The following NFAT5 variants were observed in gnomAD, a reference collection of about 807,000 sequenced individuals.
NFAT5 encodes the protein nuclear factor of activated T-cells 5.
NFAT5 carries 31 observed loss-of-function variants against 166.5 expected under a neutral mutation model. That is an observed-to-expected ratio of 0.19 (90% CI 0.14 to 0.25). The LOEUF (loss-of-function observed/expected upper bound fraction) is 0.25, where lower values mean the gene tolerates loss of function less well. NFAT5 is among the 10% of genes least tolerant of loss of function. The probability of loss-of-function intolerance (pLI) is 1.00; values close to 1 mark genes in which losing one functional copy is unlikely to be tolerated. For missense variants in NFAT5, 1,449 were observed against 1,821.8 expected, an observed-to-expected ratio of 0.80 and a Z score of 3.72; for synonymous variants, 612 against 639.7, an observed-to-expected ratio of 0.96 and a Z score of 0.65.
intron 13 of NFAT5, among the ~76,000 whole-genome samples, chr16:69,694,605 A>G (rs2037697683): frequency 1.3e-5 from 2 of 152,208 alleles, no homozygotes; most frequent in South Asian, 4.1e-4. Flanking sequence ...TATCACCTAT[A>G]GACTATAAGA....
At chr16:69,626,609 A>C in intron 3 of NFAT5, 81 bp downstream of exon 3, 1 of 1,226,630 alleles carries the variant, frequency 8.2e-7, no homozygotes, top group Non-Finnish European at 1.1e-6. Flanking sequence ...GGCAAAATTC[A>C]TACTAAAAAG....
At chr16:69,653,207 T>C in intron 4 of NFAT5, 29 bp from the exon 5 acceptor site, 1 of 1,476,262 alleles carries the variant, frequency 6.8e-7, no homozygotes, top group Non-Finnish European at 9.1e-7. Flanking sequence ...TTTTTGATAC[T>C]TTCTCCATGT....
At chr16:69,657,802 T>G (rs1397596057) in intron 6 of NFAT5, among the ~76,000 whole-genome samples, 1 of 115,148 alleles carries the variant, frequency 8.7e-6, no homozygotes. Flanking sequence ...TAAATACATA[T>G]AGGCCGGGCG....
chr16:69,633,933 C>T (rs940236292), intron 3 of NFAT5, among the ~76,000 whole-genome samples: 3 of 151,466 alleles, frequency 2.0e-5, no homozygotes, highest in Non-Finnish European at 2.9e-5. Flanking sequence ...CATTATCTAC[C>T]CCATGAATAT....
chr16:69,646,816 A>G (rs1242531493), intron 3 of NFAT5, among the ~76,000 whole-genome samples: 1 of 152,254 alleles, frequency 6.6e-6, no homozygotes, highest in East Asian at 1.9e-4. Flanking sequence ...GGATTGTAAC[A>G]TAAGTAAAAT....
intron 7 of NFAT5, among the ~76,000 whole-genome samples, chr16:69,669,400 C>T (rs1345780920): frequency 1.3e-5 from 2 of 152,112 alleles, no homozygotes; most frequent in African/African-American, 4.8e-5. Context: ...CAAAAATTAG[C>T]TGGGCGTGGT....
chr16:69,667,773 T>C (rs987857270), intron 7 of NFAT5, among the ~76,000 whole-genome samples: 1 of 152,126 alleles, frequency 6.6e-6, no homozygotes, highest in African/African-American at 2.4e-5. Context: ...ATACCATATG[T>C]TTCTGGAATG....
intron 10 of NFAT5, among the ~76,000 whole-genome samples, chr16:69,678,062 G>A (rs983624921): frequency 4.6e-5 from 7 of 151,746 alleles, no homozygotes; most frequent in South Asian, 2.1e-4. Context: ...GGAGGCTGAG[G>A]AAGGAGAATT....
intron 3 of NFAT5, among the ~76,000 whole-genome samples, chr16:69,643,329 C>A (rs1284579886): frequency 6.6e-6 from 1 of 151,556 alleles, no homozygotes; most frequent in Non-Finnish European, 1.5e-5. Context: ...CAGTGGTATT[C>A]CCAGGAGGAT....
intron 14 of NFAT5, chr16:69,695,734 C>G: frequency 6.0e-6 from 1 of 165,862 alleles, no homozygotes. Flanking sequence ...TCCAAAAATC[C>G]AAAATCCAAA....
At chr16:69,659,579 G>C in intron 6 of NFAT5, 148 bp from the exon 7 acceptor site, 1 of 502,644 alleles carries the variant, frequency 2.0e-6, no homozygotes, top group Non-Finnish European at 3.4e-6. Context: ...TTACCCTTTT[G>C]TACTTTTTGA....
At chr16:69,617,417 A>G (rs2034004116) in intron 2 of NFAT5, among the ~76,000 whole-genome samples, 1 of 152,156 alleles carries the variant, frequency 6.6e-6, no homozygotes, top group Non-Finnish European at 1.5e-5. Context: ...TTTAAAATAT[A>G]ATCAGAATAG....
rs2037822036 is a variant in NFAT5, at chr16:69,698,127, C to G, written c.*1776C>G. On this transcript the variant is annotated 3_prime_UTR_variant, in exon 15 of 15. Transcript: ENST00000349945. ...TTCTTCCCTCCACCTCCACCCCTTT[C>G]TTTCTTTCTCTCTCTGATTGAGAGG... is the stretch of plus-strand genomic sequence containing the variant. The G allele has an allele frequency of 6.6e-6, 1 of 152,186 alleles. No homozygotes were observed. Among genetic ancestry groups the G allele is most frequent in the Non-Finnish European group, 1.5e-5 (1 of 67,974 alleles). 9.4% of individuals were successfully genotyped at this position (152,186 alleles called of 1,614,324 possible). A position where few individuals can be genotyped will look rare whatever the true frequency, so the allele number is the denominator to read the frequency against.
chr16:69,650,024 A>G (rs2035601134), intron 4 of NFAT5, among the ~76,000 whole-genome samples: 1 of 152,030 alleles, frequency 6.6e-6, no homozygotes, highest in African/African-American at 2.4e-5. Flanking sequence ...AAATTTCTCA[A>G]CTAAATGTCC....
intron 9 of NFAT5, among the ~76,000 whole-genome samples, chr16:69,675,237 C>G (rs1260237146): frequency 1.3e-5 from 2 of 152,168 alleles, no homozygotes; most frequent in Non-Finnish European, 2.9e-5. Context: ...GACACTAGTC[C>G]TGTTACTAAT....
chr16:69,643,196 C>G, intron 3 of NFAT5, among the ~76,000 whole-genome samples: 1 of 128,952 alleles, frequency 7.8e-6, no homozygotes, highest in South Asian at 2.5e-4. Flanking sequence ...CCAGCCTGGG[C>G]AACAGAGCGA....
Position 69,692,448 on chromosome 16 carries a change from C to T in NFAT5, c.2623C>T (p.Pro875Ser). The change falls in exon 13 of 15, where the codon CCA (proline) becomes TCA (serine). Residue 875 changes from proline (P) to serine (S), a missense_variant. Physicochemically the swap from Pro to Ser is moderately conservative, Grantham distance 74. Coordinates refer to ENST00000349945, the MANE Select transcript of NFAT5 (RefSeq NM_138713.4). ...SSTEPTVHTR[P>S]DNLLPGRAES... is the part of the protein sequence containing the mutation. ...AACAGAGCCAACAGTCCATACCAGA[C>T]CAGATAATTTATTACCTGGAAGAGC... 1 of 1,614,182 alleles carries T rather than the reference C, an allele frequency of 6.2e-7. No homozygotes were observed. The highest frequency in any genetic ancestry group is 1.1e-5 in the South Asian group (1 of 91,082).
In NFAT5 at chr16:69,647,383, C is replaced by T. The variant is rs138012931; in HGVS notation, c.609C>T (p.Asn203=). Residue 203 remains asparagine (N), a synonymous_variant, in exon 4 of 15, where the codon AAC becomes AAT. Coordinates refer to ENST00000349945, the MANE Select transcript of NFAT5 (RefSeq NM_138713.4). This position sits in a 1 kb window ranked among gnomAD's most constrained non-coding sequence, Gnocchi z 4.8. ...WMEDSPSNFS[N]MSTSSYNDNT... is the part of the protein sequence containing the mutation. Reference sequence around the variant, plus strand: ...AGGATTCCCCCTCCAACTTCAGTAACATGAGCACCAGTTCCTACAATGATA... The same window carrying T: ...AGGATTCCCCCTCCAACTTCAGTAATATGAGCACCAGTTCCTACAATGATA... 84 of 1,614,034 alleles carry T rather than the reference C, an allele frequency of 5.2e-5. No individual in the cohort carries two copies. The highest frequency in any genetic ancestry group is 6.5e-5 in the Non-Finnish European group (77 of 1,180,032).
At chr16:69,571,637 T>C (rs983198036) in intron 2 of NFAT5, among the ~76,000 whole-genome samples, 1 of 152,130 alleles carries the variant, frequency 6.6e-6, no homozygotes, top group Non-Finnish European at 1.5e-5. Context: ...GTGAGGGGAA[T>C]TTAAGTAATT....
Sources: allele counts gnomAD v4.1 joint callset (sites outside exome capture counted in the v4.1 genomes callset), GRCh38; gene constraint gnomAD v4.1.1; non-coding constraint Gnocchi (gnomAD v3.1); transcripts MANE v1.5; gene names NCBI Gene and HGNC (gene_info 2026-07-23, HGNC 2026-07-21).